Variants in CD4 observed in about 807,000 individuals in gnomAD.
CD4 encodes the protein CD4 molecule, also known as T-cell surface glycoprotein CD4.
Under a neutral mutation model 50.5 loss-of-function variants are expected in CD4, and 25 were observed. The ratio of observed to expected loss-of-function variants is 0.49; its 90% CI spans 0.36 to 0.69. The LOEUF (loss-of-function observed/expected upper bound fraction) is 0.69. Ranked by LOEUF, CD4 falls within the 30% of genes least tolerant of loss-of-function variation. The probability of loss-of-function intolerance (pLI) is 0.00; values close to 1 mark genes in which losing one functional copy is unlikely to be tolerated. For missense variants in CD4, 456 were observed against 548.5 expected, an observed-to-expected ratio of 0.83 and a Z score of 1.68; for synonymous variants, 207 against 221.9, an observed-to-expected ratio of 0.93 and a Z score of 0.60.
intron 1 of CD4, among the ~76,000 whole-genome samples, chr12:6,793,572 C>T (rs1045929580): frequency 6.6e-6 from 1 of 152,136 alleles, no homozygotes; most frequent in East Asian, 1.9e-4. Context: ...AGTCTCCCTT[C>T]CTCCTTTTTC....
chr12:6,819,127 A>G (rs887632939), intron 9 of CD4, among the ~76,000 whole-genome samples, 172 bp from the exon 10 acceptor site: 1 of 151,722 alleles, frequency 6.6e-6, no homozygotes, highest in African/African-American at 2.4e-5. Context: ...GATGGCCAGG[A>G]GCTAGAAGGA....
chr12:6,798,193 A>G (rs1471617482), intron 1 of CD4, among the ~76,000 whole-genome samples: 1 of 147,350 alleles, frequency 6.8e-6, no homozygotes, highest in Non-Finnish European at 1.5e-5. Flanking sequence ...TTTTTGAGAC[A>G]GAGTCTTGCT....
intron 9 of CD4, 100 bp from the exon 10 acceptor site, chr12:6,819,199 C>A: frequency 8.3e-7 from 1 of 1,212,054 alleles, no homozygotes; most frequent in Non-Finnish European, 1.2e-6. Context: ...GCTGGAAAGC[C>A]ACTGGAGCTG....
intron 3 of CD4, among the ~76,000 whole-genome samples, chr12:6,803,787 AAAATAAAT>A (rs201780056): frequency 6.7e-6 from 1 of 150,130 alleles, no homozygotes. Context: ...TCCATCACAA[AAAATAAAT>A]AAATAAATAA....
intron 3 of CD4, among the ~76,000 whole-genome samples, chr12:6,808,079 CAAAAAA>C (rs34876182): frequency 1.4e-5 from 1 of 70,154 alleles, no homozygotes. Context: ...GGCTCTTTCT[CAAAAAA>C]AAAAAAAAAA....
intron 1 of CD4, among the ~76,000 whole-genome samples, chr12:6,797,712 C>T (rs1189724794): frequency 6.6e-6 from 1 of 152,120 alleles, no homozygotes; most frequent in Non-Finnish European, 1.5e-5. Context: ...GGTGCTGTGC[C>T]TGGATGTGCT....
chr12:6,803,609 C>T (rs1185580319), intron 3 of CD4, among the ~76,000 whole-genome samples: 2 of 149,220 alleles, frequency 1.3e-5, no homozygotes, highest in African/African-American at 4.9e-5. Context: ...ACGGTGAAAC[C>T]CCGTCTCTAC....
At chr12:6,811,666 T>C (rs1555117010) in intron 3 of CD4, among the ~76,000 whole-genome samples, 2 of 145,938 alleles carry the variant, frequency 1.4e-5, no homozygotes, top group East Asian at 2.1e-4. Context: ...GCTAATTTTT[T>C]TTTTCTTTTT....
At chr12:6,797,893 C>G (rs1204034637) in intron 1 of CD4, among the ~76,000 whole-genome samples, 1 of 152,156 alleles carries the variant, frequency 6.6e-6, no homozygotes, top group Non-Finnish European at 1.5e-5. Context: ...GAGCAGGAGA[C>G]AGATGCCTTC....
chr12:6,812,771 T>TGTGTGTGTGTG (rs1555117197), intron 3 of CD4, among the ~76,000 whole-genome samples: 72 of 57,608 alleles, frequency 1.2e-3, no homozygotes, highest in African/African-American at 3.3e-3. Flanking sequence ...AAGGTTATTT[T>TGTGTGTGTGTG]TGTGTGTGTG....
At chr12:6,790,877 T>C (rs2137823825) in intron 1 of CD4, among the ~76,000 whole-genome samples, 1 of 152,364 alleles carries the variant, frequency 6.6e-6, no homozygotes, top group East Asian at 1.9e-4. Flanking sequence ...AATGCCCTGC[T>C]CTTGTGGTGG....
intron 1 of CD4, among the ~76,000 whole-genome samples, chr12:6,796,977 G>C (rs1942392953): frequency 6.6e-6 from 1 of 152,080 alleles, no homozygotes; most frequent in Admixed American, 6.6e-5. Flanking sequence ...CTCAGAATGG[G>C]GACACCTCTC....
chr12:6,813,263 C>T (rs1942991871), intron 3 of CD4, among the ~76,000 whole-genome samples: 1 of 150,300 alleles, frequency 6.7e-6, no homozygotes, highest in Non-Finnish European at 1.5e-5. Context: ...CGCCATGTTG[C>T]CCAGGCTGAT....
Position 6,818,610 on chromosome 12 carries a change from T to C in CD4, c.1278+68T>C. 6.3e-7 allele frequency: 1 copy of C among 1,594,776 alleles called. No homozygotes were observed. The highest frequency in any genetic ancestry group is 8.6e-7 in the Non-Finnish European group (1 of 1,167,784). ...CTGAGTCCTCTACCAGGAGATCCTG[T>C]ATATGGGAACTGATTTTGGCCCAGC... On this transcript the variant is annotated intron_variant, in intron 8 of 9. Transcript: ENST00000011653. The surrounding 1 kb of genome is among the most constrained non-coding windows in gnomAD (Gnocchi z 5.0).
chr12:6,791,311 CCACT>C (rs1260763181), intron 1 of CD4, among the ~76,000 whole-genome samples: 1 of 152,094 alleles, frequency 6.6e-6, no homozygotes, highest in Admixed American at 6.5e-5. Context: ...GACGTGATCT[CCACT>C]CACTGCAGCC....
intron 3 of CD4, among the ~76,000 whole-genome samples, chr12:6,804,664 G>A (rs1555115869): frequency 6.6e-6 from 1 of 152,132 alleles, no homozygotes; most frequent in African/African-American, 2.4e-5. Flanking sequence ...CTTAAGCCCA[G>A]GAGTTCAAGA....
At chr12:6,802,147 T>C (rs1942584433) in intron 3 of CD4, among the ~76,000 whole-genome samples, 1 of 152,286 alleles carries the variant, frequency 6.6e-6, no homozygotes, top group South Asian at 2.1e-4. Context: ...GTGCTGGGAT[T>C]ACAGGCATGA....
chr12:6,817,734 C>T (rs1943120936), intron 7 of CD4, among the ~76,000 whole-genome samples: 2 of 115,462 alleles, frequency 1.7e-5, no homozygotes, highest in Non-Finnish European at 3.5e-5. Context: ...ACACATCACT[C>T]ACACACTCGC....
In CD4 at chr12:6,792,338, G is replaced by C. The variant is rs2137827994; in HGVS notation, c.-68+2676G>C. ...AAGGCTCTGAGAAAGTGCGTGGTGT[G>C]TGTTGCCATTTTGGTCTCTTCTCTT... On this transcript the variant is annotated intron_variant, in intron 1 of 9. Coordinates refer to ENST00000011653, the MANE Select transcript of CD4 (RefSeq NM_000616.5). This position sits in a 1 kb window ranked among gnomAD's most constrained non-coding sequence, Gnocchi z 4.1. Among the ~76,000 whole-genome samples, 1 of 152,300 alleles carries C rather than the reference G, an allele frequency of 6.6e-6. No homozygotes were observed. Among genetic ancestry groups the C allele is most frequent in the African/African-American group, 2.4e-5 (1 of 41,582 alleles).
Sources: allele counts gnomAD v4.1 joint callset (sites outside exome capture counted in the v4.1 genomes callset), GRCh38; gene constraint gnomAD v4.1.1; non-coding constraint Gnocchi (gnomAD v3.1); transcripts MANE v1.5; gene names NCBI Gene and HGNC (gene_info 2026-07-23, HGNC 2026-07-21).